Variants in MEP1A observed in about 807,000 individuals in gnomAD.
MEP1A encodes N-benzoyl-L-tyrosyl-P-amino-benzoic acid hydrolase subunit alpha.
MEP1A carries 68 observed loss-of-function variants against 84.5 expected under a neutral mutation model. The observed-to-expected ratio is 0.80, with a 90% confidence interval of 0.66 to 0.98. The LOEUF (loss-of-function observed/expected upper bound fraction) is 0.98, where lower values mean the gene tolerates loss of function less well. MEP1A is among the 50% of genes least tolerant of loss of function. MEP1A has a pLI of 0.00. For missense variants in MEP1A, 887 were observed against 919.9 expected, an observed-to-expected ratio of 0.96 and a Z score of 0.46; for synonymous variants, 337 against 336.8, an observed-to-expected ratio of 1.00 and a Z score of -0.01.
At chr6:46,800,731 G>A (rs1562103840) in intron 5 of MEP1A, among the ~76,000 whole-genome samples, 1 of 152,182 alleles carries the variant, frequency 6.6e-6, no homozygotes, top group East Asian at 1.9e-4. Context: ...CAGTATATAA[G>A]GCTTTTGACA....
At chr6:46,798,058 C>A (rs1767106298) in intron 3 of MEP1A, among the ~76,000 whole-genome samples, 1 of 151,734 alleles carries the variant, frequency 6.6e-6, no homozygotes, top group African/African-American at 2.4e-5. Context: ...ACCTCTGCGT[C>A]CTGGGTTCAA....
intron 6 of MEP1A, among the ~76,000 whole-genome samples, chr6:46,816,431 G>T (rs999783439): frequency 1.3e-5 from 2 of 152,062 alleles, no homozygotes; most frequent in Non-Finnish European, 2.9e-5. Context: ...GAGTGTCCTG[G>T]GTTGCAGCAG....
rs548849411 is a variant in MEP1A, at chr6:46,839,349, C to A, written c.*213C>A. On this transcript the variant is annotated 3_prime_UTR_variant, in exon 14 of 14. Coordinates refer to ENST00000230588, the MANE Select transcript of MEP1A (RefSeq NM_005588.3). ...CTAATGTATCTAGTGTGTCCTGTGA[C>A]AACACTCATCACACTTCATTGTAAA... 3.7e-4 allele frequency: 153 copies of A among 412,798 alleles called. 4 individuals carry two copies. In the South Asian group the frequency reaches 8.1e-3, roughly 22 times the overall value. 25.6% of individuals were successfully genotyped at this position (412,798 alleles called of 1,614,324 possible). A position where few individuals can be genotyped will look rare whatever the true frequency, so the allele number is the denominator to read the frequency against.
intron 7 of MEP1A, among the ~76,000 whole-genome samples, chr6:46,824,782 TA>T (rs1767872746): frequency 1.2e-5 from 1 of 80,798 alleles, no homozygotes; most frequent in East Asian, 2.9e-4. Flanking sequence ...TGTATTTAAA[TA>T]GATGTATTTA....
At chr6:46,844,152 CAAAGA>C (rs969191405), downstream of MEP1A, among the ~76,000 whole-genome samples, 2 of 152,066 alleles carry the variant, frequency 1.3e-5, no homozygotes, top group African/African-American at 4.8e-5. Context: ...AGTCTCTAAG[CAAAGA>C]AAAGTTTGAA....
intron 6 of MEP1A, among the ~76,000 whole-genome samples, chr6:46,815,773 G>A (rs1477626374): frequency 6.6e-6 from 1 of 152,108 alleles, no homozygotes. Context: ...AATGATGGAT[G>A]GATAGTATGA....
chr6:46,829,264 TG>T lies in MEP1A; in HGVS notation c.929-90del, dbSNP rs1430957471. 4.0e-6 allele frequency: 4 copies of T among 999,168 alleles called. No individual in the cohort carries two copies. In the Admixed American group the frequency reaches 7.4e-5, roughly 18 times the overall value. 61.9% of individuals were successfully genotyped at this position (999,168 alleles called of 1,614,324 possible). On this transcript the variant is annotated intron_variant, in intron 9 of 13. Transcript: ENST00000230588. ...GTTCTAGTTTTTGTTGCCTGGACAATGGCTGTGGTTCACTATTTCACTTTGT... is the reference window on the plus strand; with the variant it reads ...GTTCTAGTTTTTGTTGCCTGGACAATGCTGTGGTTCACTATTTCACTTTGT...
rs202081116 is a variant in MEP1A at position 46,813,399 on chromosome 6, G to GA, written c.380+3865dup. Among the ~76,000 whole-genome samples the GA allele has an allele frequency of 3.3e-3, 498 of 152,240 alleles. 3 individuals carry two copies. Among genetic ancestry groups the GA allele is most frequent in the African/African-American group, 0.011 (468 of 41,546 alleles). On this transcript the variant is annotated intron_variant, in intron 6 of 13. Coordinates refer to ENST00000230588, the MANE Select transcript of MEP1A (RefSeq NM_005588.3). ...CAAAAAGCAAAAGTGGTGCTAAGAG[G>GA]AAAGTTCCACAGCATTAAATGCCTA...
intron 5 of MEP1A, among the ~76,000 whole-genome samples, chr6:46,804,020 T>C (rs1443833627): frequency 6.6e-6 from 1 of 151,706 alleles, no homozygotes; most frequent in African/African-American, 2.4e-5. Flanking sequence ...ACTATAGTGT[T>C]AGAATTTTTT....
intron 6 of MEP1A, among the ~76,000 whole-genome samples, chr6:46,816,604 G>A (rs886103898): frequency 2.0e-5 from 3 of 152,100 alleles, no homozygotes; most frequent in South Asian, 2.1e-4. Context: ...GGATCAAAGG[G>A]AAGAAGAGGG....
intron 5 of MEP1A, among the ~76,000 whole-genome samples, chr6:46,806,268 T>G (rs1228079588): frequency 1.3e-5 from 2 of 152,048 alleles, no homozygotes; most frequent in Admixed American, 6.6e-5. Flanking sequence ...GTCTCATAAT[T>G]TTTGATTATA....
chr6:46,826,926 A>T (rs1562115019), intron 9 of MEP1A, among the ~76,000 whole-genome samples: 1 of 152,238 alleles, frequency 6.6e-6, no homozygotes, highest in Non-Finnish European at 1.5e-5. Context: ...ATTAATTGTA[A>T]TAATGTATTT....
intron 3 of MEP1A, among the ~76,000 whole-genome samples, chr6:46,795,182 C>A (rs1378466664): frequency 2.0e-5 from 3 of 152,218 alleles, no homozygotes; most frequent in Non-Finnish European, 4.4e-5. Context: ...CTCACTCCTT[C>A]TAGATTTTCG....
intron 3 of MEP1A, among the ~76,000 whole-genome samples, chr6:46,797,365 A>G (rs1767067654): frequency 6.6e-6 from 1 of 152,238 alleles, no homozygotes; most frequent in South Asian, 2.1e-4. Flanking sequence ...AATGCTTGAG[A>G]AATTTTCCTA....
intron 3 of MEP1A, among the ~76,000 whole-genome samples, chr6:46,796,684 T>G (rs937915088): frequency 6.6e-6 from 1 of 152,206 alleles, no homozygotes; most frequent in Non-Finnish European, 1.5e-5. Context: ...GATTGAGGCT[T>G]GCTCTCACTG....
At chr6:46,800,434 A>G (rs898126095) in intron 5 of MEP1A, among the ~76,000 whole-genome samples, 1 of 152,170 alleles carries the variant, frequency 6.6e-6, no homozygotes, top group African/African-American at 2.4e-5. Context: ...TGCTGATGCT[A>G]TTGGTCCCCA....
chr6:46,802,404 A>G (rs1256588717), intron 5 of MEP1A, among the ~76,000 whole-genome samples: 2 of 151,884 alleles, frequency 1.3e-5, no homozygotes, highest in African/African-American at 4.8e-5. Context: ...AATACAATGG[A>G]TTTTTATATA....
chr6:46,793,685 T>C lies in MEP1A; in HGVS notation c.114T>C (p.Gly38=). 1.2e-6 allele frequency: 2 copies of C among 1,610,526 alleles called. No individual in the cohort carries two copies. The highest frequency in any genetic ancestry group is 8.5e-7 in the Non-Finnish European group (1 of 1,177,318). ...PEENVHDADF[G]EQKDISEINL... Reference sequence around the variant, plus strand: ...TAACAGTACATGATGCAGATTTTGGTGAACAGAAGGATATTTCAGAAATCA... The same window carrying C: ...TAACAGTACATGATGCAGATTTTGGCGAACAGAAGGATATTTCAGAAATCA... Residue 38 remains glycine, a synonymous_variant, in exon 3 of 14, where the codon GGT becomes GGC. Transcript: ENST00000230588.
At chr6:46,820,289 A>T (rs1370260821) in intron 7 of MEP1A, among the ~76,000 whole-genome samples, 1 of 152,198 alleles carries the variant, frequency 6.6e-6, no homozygotes, top group Admixed American at 6.5e-5. Flanking sequence ...GTTTCTAAGC[A>T]CCTTGCTTCT....
Sources: allele counts gnomAD v4.1 joint callset (sites outside exome capture counted in the v4.1 genomes callset), GRCh38; gene constraint gnomAD v4.1.1; transcripts MANE v1.5; gene names NCBI Gene and HGNC (gene_info 2026-07-23, HGNC 2026-07-21).